The following COL28A1 variants were observed in gnomAD, a reference collection of about 807,000 sequenced individuals.
The protein encoded by COL28A1 is collagen alpha-1(XXVIII) chain.
Under a neutral mutation model 150.2 loss-of-function variants are expected in COL28A1, and 161 were observed. That is an observed-to-expected ratio of 1.07 (90% CI 0.94 to 1.22). The LOEUF is 1.22. COL28A1 is among the 50% of genes most tolerant of loss of function. The pLI is 0.00. For missense variants in COL28A1, 1,617 were observed against 1,388.3 expected (o/e 1.16, Z -2.62); for synonymous variants, 552 against 469.7 (o/e 1.18, Z -2.26).
Position 7,532,582 on chromosome 7 carries a change from A to C in COL28A1, c.124+170T>G, listed in dbSNP as rs149656423. Among the ~76,000 whole-genome samples, 213 of 152,230 alleles carry C rather than the reference A, an allele frequency of 1.4e-3. 5 individuals are homozygous for C. Among genetic ancestry groups the C allele is most frequent in the Admixed American group, 0.011 (171 of 15,282 alleles). Reference sequence around the variant, plus strand: ...ACAAGTGCTCTTATTAAAGACTCTGATGTGCTATAAGTATGTAAGGTATAT... The same window carrying C: ...ACAAGTGCTCTTATTAAAGACTCTGCTGTGCTATAAGTATGTAAGGTATAT... On this transcript the variant is annotated intron_variant, in intron 2 of 34. Coordinates refer to ENST00000399429, the MANE Select transcript of COL28A1 (RefSeq NM_001037763.3).
At chr7:7,362,551 A>T (rs943018383) in intron 33 of COL28A1, among the ~76,000 whole-genome samples, 1 of 152,168 alleles carries the variant, frequency 6.6e-6, no homozygotes, top group South Asian at 2.1e-4. Context: ...AATTAGTACT[A>T]TTACTCATGT....
chr7:7,458,450 A>AC (rs1787347545), intron 15 of COL28A1, among the ~76,000 whole-genome samples: 1 of 152,114 alleles, frequency 6.6e-6, no homozygotes, highest in South Asian at 2.1e-4. Context: ...AAACAAACAA[A>AC]AAAAACAAAC....
chr7:7,353,057 C>T (rs1294621), downstream of COL28A1, among the ~76,000 whole-genome samples: 133,549 of 152,228 alleles, frequency 0.88, 58,747 homozygotes, highest in East Asian at 1. Context: ...CAGCCAGATC[C>T]CCATGGAAAA....
At chr7:7,455,597 T>C (rs910212431) in intron 16 of COL28A1, among the ~76,000 whole-genome samples, 2 of 152,196 alleles carry the variant, frequency 1.3e-5, no homozygotes, top group African/African-American at 4.8e-5. Flanking sequence ...GTTTTAACTA[T>C]AATACTTTTT....
chr7:7,344,572 T>C, the COL28A1 span, among the ~76,000 whole-genome samples: 1 of 152,294 alleles, frequency 6.6e-6, no homozygotes, highest in East Asian at 1.9e-4. Context: ...TATATCTATA[T>C]AGATTTAAAT....
At chr7:7,424,445 G>C (rs1324752197) in intron 25 of COL28A1, among the ~76,000 whole-genome samples, 1 of 152,150 alleles carries the variant, frequency 6.6e-6, no homozygotes, top group Non-Finnish European at 1.5e-5. Flanking sequence ...TACCTAAGAA[G>C]TGCGTTGACC....
downstream of COL28A1, among the ~76,000 whole-genome samples, chr7:7,351,999 A>C (rs114119503): frequency 1.3e-3 from 198 of 152,236 alleles, no homozygotes; most frequent in African/African-American, 4.6e-3. Flanking sequence ...AAATATTTAC[A>C]ATCTATTCTC....
the COL28A1 span, among the ~76,000 whole-genome samples, chr7:7,542,075 T>C: frequency 2.0e-5 from 3 of 152,120 alleles, no homozygotes; most frequent in Non-Finnish European, 4.4e-5. Flanking sequence ...TGGGGCTGGG[T>C]GCGGTGGCTC....
downstream of COL28A1, among the ~76,000 whole-genome samples, chr7:7,352,251 C>G (rs1213460399): frequency 6.6e-6 from 1 of 152,064 alleles, no homozygotes; most frequent in African/African-American, 2.4e-5. Context: ...ATGTAAGGAA[C>G]TAGGGATACA....
At chr7:7,459,838 T>C (rs1179085147) in intron 15 of COL28A1, among the ~76,000 whole-genome samples, 2 of 152,232 alleles carry the variant, frequency 1.3e-5, no homozygotes, top group Non-Finnish European at 1.5e-5. Context: ...GGCCACCCCA[T>C]GACTGTGATG....
chr7:7,451,785 C>T (rs1414753780), intron 18 of COL28A1, among the ~76,000 whole-genome samples: 1 of 152,042 alleles, frequency 6.6e-6, no homozygotes. Context: ...GCTATTATTA[C>T]TATATTAATA....
intron 18 of COL28A1, among the ~76,000 whole-genome samples, chr7:7,446,959 C>T (rs1228782070): frequency 6.6e-6 from 1 of 152,152 alleles, no homozygotes; most frequent in East Asian, 1.9e-4. Context: ...TGTGAAGAAA[C>T]TACCCAAGGC....
intron 3 of COL28A1, among the ~76,000 whole-genome samples, chr7:7,526,987 G>A (rs1032321615): frequency 1.3e-5 from 2 of 152,140 alleles, no homozygotes; most frequent in African/African-American, 2.4e-5. Context: ...AGCTCTTACT[G>A]TGCCTGATGT....
At chr7:7,338,678 T>C in the COL28A1 span, among the ~76,000 whole-genome samples, 1 of 152,146 alleles carries the variant, frequency 6.6e-6, no homozygotes, top group Non-Finnish European at 1.5e-5. Flanking sequence ...TGCCTTTTAC[T>C]TCCTTCTCTT....
At chr7:7,475,088 T>A (rs578192685) in intron 14 of COL28A1, among the ~76,000 whole-genome samples, 4 of 152,192 alleles carry the variant, frequency 2.6e-5, no homozygotes, top group Non-Finnish European at 5.9e-5. Flanking sequence ...AACTAATACT[T>A]GCTAGGATTA....
chr7:7,452,512 C>T lies in COL28A1; in HGVS notation c.1441-125G>A, dbSNP rs1171901158. The T allele has an allele frequency of 3.1e-5, 42 of 1,337,256 alleles. No individual in the cohort carries two copies. The East Asian group carries it at 1.1e-3, about 37-fold the overall frequency. The allele number at this position is 1,337,256 out of a possible 1,614,324, so 82.8% of individuals were successfully genotyped here. ...TCATGTGCTCAATTCATATATATTG[C>T]CTGAAATCCCTTCGGGGGATGGATT... is the stretch of plus-strand genomic sequence containing the variant. On this transcript the variant is annotated intron_variant, in intron 17 of 34. Transcript: ENST00000399429.
chr7:7,433,801 G>A (rs1018370380), intron 23 of COL28A1, among the ~76,000 whole-genome samples: 3 of 152,110 alleles, frequency 2.0e-5, no homozygotes, highest in African/African-American at 7.2e-5. Context: ...TTGATAAAGA[G>A]CTGCTCATGT....
chr7:7,517,376 T>G (rs893312087), intron 7 of COL28A1, among the ~76,000 whole-genome samples: 4 of 152,180 alleles, frequency 2.6e-5, no homozygotes, highest in Non-Finnish European at 5.9e-5. Context: ...ATTTGGGGTA[T>G]AAGAAATCAA....
intron 14 of COL28A1, among the ~76,000 whole-genome samples, chr7:7,476,108 C>T (rs914611240): frequency 6.6e-6 from 1 of 152,100 alleles, no homozygotes; most frequent in Non-Finnish European, 1.5e-5. Context: ...CTGAGAAGGC[C>T]ATATCTTAGT....
Sources: allele counts gnomAD v4.1 joint callset (sites outside exome capture counted in the v4.1 genomes callset), GRCh38; gene constraint gnomAD v4.1.1; transcripts MANE v1.5; gene names NCBI Gene and HGNC (gene_info 2026-07-23, HGNC 2026-07-21).